The following SPHK1 variants were observed in gnomAD, a reference collection of about 807,000 sequenced individuals.
SPHK1 encodes sphingosine kinase 1, also known as SK 1.
In SPHK1, 10 loss-of-function variants were observed where a neutral mutation model predicts 14.6. That is an observed-to-expected ratio of 0.68 (90% CI 0.42 to 1.16). SPHK1 has a LOEUF of 1.16. Among genes scored for constraint, SPHK1 ranks in the 50% most tolerant of loss-of-function variants. The probability of loss-of-function intolerance (pLI) is 0.00; values close to 1 mark genes in which losing one functional copy is unlikely to be tolerated. For missense variants in SPHK1, 553 were observed against 525.4 expected, an observed-to-expected ratio of 1.05 and a Z score of -0.51; for synonymous variants, 274 against 224.0, an observed-to-expected ratio of 1.22 and a Z score of -1.99.
chr17:76,385,459 G>A lies in SPHK1; in HGVS notation c.-186G>A. 1 of 1,549,914 alleles carries A rather than the reference G, an allele frequency of 6.5e-7. No homozygotes were observed. The highest frequency in any genetic ancestry group is 8.7e-7 in the Non-Finnish European group (1 of 1,155,470). On this transcript the variant is annotated 5_prime_UTR_variant, in exon 2 of 6. Coordinates refer to ENST00000592299, the MANE Select transcript of SPHK1 (RefSeq NM_001142601.2). This position sits in a 1 kb window ranked among gnomAD's most constrained non-coding sequence, Gnocchi z 5.3. ...TGTCTTCTCTCCCTCAGGTCCAGCC[G>A]CCGCAGGGAATGACGCCGGTGCTCC...
At chr17:76,384,379 A>C (rs2071921332), upstream of SPHK1, 2 of 150,524 alleles carry the variant, frequency 1.3e-5, no homozygotes, top group Admixed American at 6.6e-5. Flanking sequence ...GCCTCAGCTC[A>C]CCCGGCCAGG....
rs761735659 is a variant in SPHK1, at chr17:76,386,009, C to T, written c.35C>T (p.Pro12Leu). 20 of 1,602,808 alleles carry T rather than the reference C, an allele frequency of 1.2e-5. No homozygotes were observed. The highest frequency in any genetic ancestry group is 1.7e-5 in the Non-Finnish European group (20 of 1,174,012). Reference sequence around the variant, plus strand: ...GCGGGCGGCCCCCGGGGCGTGCTCCCGCGGCCCTGCCGCGTGCTGGTGCTG... The same window carrying T: ...GCGGGCGGCCCCCGGGGCGTGCTCCTGCGGCCCTGCCGCGTGCTGGTGCTG... ...DPAGGPRGVLPRPCRVLVLLN... is the reference protein window; with the variant it reads ...DPAGGPRGVLLRPCRVLVLLN... Residue 12 changes from proline to leucine, a missense_variant, in exon 3 of 6, where the codon CCG (proline) becomes CTG (leucine). Physicochemically the swap from Pro to Leu is moderately conservative, Grantham distance 98 (BLOSUM62 -3). Coordinates refer to ENST00000592299, the MANE Select transcript of SPHK1 (RefSeq NM_001142601.2). This position sits in a 1 kb window ranked among gnomAD's most constrained non-coding sequence, Gnocchi z 5.3.
Position 76,386,022 on chromosome 17 carries a change from C to A in SPHK1, c.48C>A (p.Arg16=). ...GGGGCGTGCTCCCGCGGCCCTGCCGCGTGCTGGTGCTGCTGAACCCGCGCG... is the reference window on the plus strand; with the variant it reads ...GGGGCGTGCTCCCGCGGCCCTGCCGAGTGCTGGTGCTGCTGAACCCGCGCG... ...GPRGVLPRPC[R]VLVLLNPRGG... is the part of the protein sequence containing the mutation. The change falls in exon 3 of 6, where the codon CGC becomes CGA. Residue 16 remains arginine (R), a synonymous_variant. Transcript: ENST00000592299. This position sits in a 1 kb window ranked among gnomAD's most constrained non-coding sequence, Gnocchi z 5.3. The A allele has an allele frequency of 6.2e-7, 1 of 1,605,478 alleles. No homozygotes were observed. Among genetic ancestry groups the A allele is most frequent in the East Asian group, 2.2e-5 (1 of 44,622 alleles).
Position 76,387,577 on chromosome 17 carries a change from G to C in SPHK1, c.1146G>C (p.Glu382Asp). 3 of 1,592,674 alleles carry C rather than the reference G, an allele frequency of 1.9e-6. No homozygotes were observed. Among genetic ancestry groups the C allele is most frequent in the Non-Finnish European group, 1.7e-6 (2 of 1,172,722 alleles). The change falls in exon 6 of 6, where the codon GAG (glutamate) becomes GAC (aspartate). Residue 382 changes from glutamate (E) to aspartate (D), a missense_variant. Transcript: ENST00000592299. This position sits in a 1 kb window ranked among gnomAD's most constrained non-coding sequence, Gnocchi z 4.1. ...WKPQQMPPPE[E>D]PL Reference sequence around the variant, plus strand: ...CCCAGCAGATGCCACCGCCAGAAGAGCCCTTATGACCCCTGGGCCGCGCTG... The same window carrying C: ...CCCAGCAGATGCCACCGCCAGAAGACCCCTTATGACCCCTGGGCCGCGCTG...
rs865789690 is a variant in SPHK1, at chr17:76,385,164, C to A, written c.-194-287C>A. ...TGGACTCCCCTCCCCCTGGCAGCCCCGAGGGGTGAGGAGCTAGTCCGTCGG... is the reference window on the plus strand; with the variant it reads ...TGGACTCCCCTCCCCCTGGCAGCCCAGAGGGGTGAGGAGCTAGTCCGTCGG... On this transcript the variant is annotated intron_variant, in intron 1 of 5. Transcript: ENST00000592299. This position sits in a 1 kb window ranked among gnomAD's most constrained non-coding sequence, Gnocchi z 5.3. 6.3e-7 allele frequency: 1 copy of A among 1,592,266 alleles called. No homozygotes were observed. Among genetic ancestry groups the A allele is most frequent in the Admixed American group, 1.8e-5 (1 of 56,744 alleles).
At position 76,385,169 on chromosome 17, in the gene SPHK1, G is replaced by A. The variant is rs1249797755; in HGVS notation, c.-194-282G>A. The stretch of plus-strand genomic sequence containing the variant: ...TCCCCTCCCCCTGGCAGCCCCGAGG[G>A]GTGAGGAGCTAGTCCGTCGGAGGGA... On this transcript the variant is annotated intron_variant, in intron 1 of 5. Coordinates refer to ENST00000592299, the MANE Select transcript of SPHK1 (RefSeq NM_001142601.2). This position sits in a 1 kb window ranked among gnomAD's most constrained non-coding sequence, Gnocchi z 5.3. 5 of 1,591,382 alleles carry A rather than the reference G, an allele frequency of 3.1e-6. No homozygotes were observed. In the African/African-American group the frequency reaches 5.4e-5, roughly 17 times the overall value.
chr17:76,385,224 C>G lies in SPHK1; in HGVS notation c.-194-227C>G, dbSNP rs2071943979. 6.5e-7 allele frequency: 1 copy of G among 1,547,256 alleles called. No individual in the cohort carries two copies. Among genetic ancestry groups the G allele is most frequent in the Admixed American group, 2.0e-5 (1 of 50,246 alleles). The stretch of plus-strand genomic sequence containing the variant: ...CGGGGCTCTGACTCATCCGTCGGGC[C>G]GGAACCGAACCCCAAGCCCCAGGGA... On this transcript the variant is annotated intron_variant, in intron 1 of 5. Transcript: ENST00000592299. This position sits in a 1 kb window ranked among gnomAD's most constrained non-coding sequence, Gnocchi z 5.3.
Position 76,386,565 on chromosome 17 carries a change from G to A in SPHK1, c.374+57G>A. The A allele has an allele frequency of 6.6e-7, 1 of 1,506,856 alleles. No homozygotes were observed. The highest frequency in any genetic ancestry group is 1.9e-5 in the Admixed American group (1 of 53,530). 93.3% of individuals were successfully genotyped at this position (1,506,856 alleles called of 1,614,324 possible). A position where few individuals can be genotyped will look rare whatever the true frequency, so the allele number is the denominator to read the frequency against. On this transcript the variant is annotated intron_variant, in intron 5 of 5. Transcript: ENST00000592299. The surrounding 1 kb of genome is among the most constrained non-coding windows in gnomAD (Gnocchi z 5.3). The stretch of plus-strand genomic sequence containing the variant: ...CCCGTCAGTGCTCCTCTACCGCGGG[G>A]GTTTTCTTGTCTAAGCTCCCATAGG...
upstream of SPHK1, chr17:76,383,506 C>G (rs956196916): frequency 2.1e-5 from 5 of 235,850 alleles, no homozygotes; most frequent in Admixed American, 5.5e-5. Flanking sequence ...TGCCTCTTCT[C>G]GACTTTAAGA....
Position 76,387,455 on chromosome 17 carries a change from G to A in SPHK1, c.1024G>A (p.Gly342Arg). ...KDGKGVFAVD[G>R]ELMVSEAVQG... The stretch of plus-strand genomic sequence containing the variant: ...TGGGAAAGGTGTGTTTGCAGTGGAT[G>A]GGGAATTGATGGTTAGCGAGGCCGT... The change falls in exon 6 of 6, where the codon GGG becomes AGG. Residue 342 changes from glycine to arginine, a missense_variant. Transcript: ENST00000592299. The surrounding 1 kb of genome is among the most constrained non-coding windows in gnomAD (Gnocchi z 4.1). 1 of 1,613,766 alleles carries A rather than the reference G, an allele frequency of 6.2e-7. No homozygotes were observed. Among genetic ancestry groups the A allele is most frequent in the Non-Finnish European group, 8.5e-7 (1 of 1,179,994 alleles).
rs2071966334 is a variant in SPHK1, at chr17:76,385,826, G to A, written c.11-159G>A. 6.9e-7 allele frequency: 1 copy of A among 1,442,900 alleles called. No homozygotes were observed. The highest frequency in any genetic ancestry group is 9.4e-7 in the Non-Finnish European group (1 of 1,064,944). The allele number at this position is 1,442,900 out of a possible 1,614,324, so 89.4% of individuals were successfully genotyped here. A position where few individuals can be genotyped will look rare whatever the true frequency, so the allele number is the denominator to read the frequency against. On this transcript the variant is annotated intron_variant, in intron 2 of 5. Transcript: ENST00000592299. The surrounding 1 kb of genome is among the most constrained non-coding windows in gnomAD (Gnocchi z 5.3). Reference sequence around the variant, plus strand: ...CAAGGAAGGGGGTGGCAGGGGCGCCGCGTCCCCACCCCAGGTCTCCCAGCA... The same window carrying A: ...CAAGGAAGGGGGTGGCAGGGGCGCCACGTCCCCACCCCAGGTCTCCCAGCA...
At position 76,386,745 on chromosome 17, in the gene SPHK1, G is replaced by A. The variant is rs1405438355; in HGVS notation, c.375-61G>A. ...TTTGCCAGCTCCCACTCCCCGGGAGGAGGAAGCGGGGGATACATGGGGGCT... is the reference window on the plus strand; with the variant it reads ...TTTGCCAGCTCCCACTCCCCGGGAGAAGGAAGCGGGGGATACATGGGGGCT... On this transcript the variant is annotated intron_variant, in intron 5 of 5. Coordinates refer to ENST00000592299, the MANE Select transcript of SPHK1 (RefSeq NM_001142601.2). The surrounding 1 kb of genome is among the most constrained non-coding windows in gnomAD (Gnocchi z 5.3). 2.7e-6 allele frequency: 4 copies of A among 1,493,946 alleles called. No homozygotes were observed. The highest frequency in any genetic ancestry group is 3.6e-6 in the Non-Finnish European group (4 of 1,118,038). The allele number at this position is 1,493,946 out of a possible 1,614,324, so 92.5% of individuals were successfully genotyped here.
chr17:76,386,612 C>T lies in SPHK1; in HGVS notation c.374+104C>T. ...TAGGCTGAGATCATTTCCATTTCCC[C>T]TTCTCCCTTAGTCCTGGGGCCCTCT... On this transcript the variant is annotated intron_variant, in intron 5 of 5. Transcript: ENST00000592299. The surrounding 1 kb of genome is among the most constrained non-coding windows in gnomAD (Gnocchi z 5.3). 1 of 1,269,320 alleles carries T rather than the reference C, an allele frequency of 7.9e-7. No individual in the cohort carries two copies. The highest frequency in any genetic ancestry group is 1.5e-5 in the African/African-American group (1 of 67,326). 78.6% of individuals were successfully genotyped at this position (1,269,320 alleles called of 1,614,324 possible).
rs1165841900 is a variant in SPHK1 at position 76,386,964 on chromosome 17, A to C, written c.533A>C (p.Asp178Ala). ...SLAWGFIADV[D>A]LESEKYRRLG... The stretch of plus-strand genomic sequence containing the variant: ...GCCTGGGGCTTCATTGCTGATGTGG[A>C]CCTAGAGAGTGAGAAGTATCGGCGT... Residue 178 changes from aspartate to alanine, a missense_variant, in exon 6 of 6, where the codon GAC (aspartate) becomes GCC (alanine). By Grantham distance (126) the Asp-to-Ala change is moderately radical. Transcript: ENST00000592299. This position sits in a 1 kb window ranked among gnomAD's most constrained non-coding sequence, Gnocchi z 5.3. 8.1e-6 allele frequency: 13 copies of C among 1,613,476 alleles called. No homozygotes were observed. The highest frequency in any genetic ancestry group is 3.3e-4 in the Middle Eastern group (2 of 6,062).
In SPHK1 at chr17:76,386,546, A is replaced by T. The variant is rs538309556; in HGVS notation, c.374+38A>T. On this transcript the variant is annotated intron_variant, in intron 5 of 5. Coordinates refer to ENST00000592299, the MANE Select transcript of SPHK1 (RefSeq NM_001142601.2). This position sits in a 1 kb window ranked among gnomAD's most constrained non-coding sequence, Gnocchi z 5.3. ...GGCCAGAGTAGGCCTGTTTCCCGTC[A>T]GTGCTCCTCTACCGCGGGGGTTTTC... 4.1e-5 allele frequency: 64 copies of T among 1,567,456 alleles called. No individual in the cohort carries two copies. In the African/African-American group the frequency reaches 7.4e-4, roughly 18 times the overall value.
rs757395817 is a variant in SPHK1 at position 76,386,459 on chromosome 17, C to T, written c.325C>T (p.Pro109Ser). ...CATCCAGAAGCCCCTGTGTAGCCTC[C>T]CAGCAGGCTCTGGCAACGCGCTGGC... ...TAIQKPLCSL[P>S]AGSGNALAAS... The change falls in exon 5 of 6, where the codon CCA becomes TCA. Residue 109 changes from proline to serine, a missense_variant. Coordinates refer to ENST00000592299, the MANE Select transcript of SPHK1 (RefSeq NM_001142601.2). The surrounding 1 kb of genome is among the most constrained non-coding windows in gnomAD (Gnocchi z 5.3). 9 of 1,613,024 alleles carry T rather than the reference C, an allele frequency of 5.6e-6. No homozygotes were observed. Among genetic ancestry groups the T allele is most frequent in the Non-Finnish European group, 7.6e-6 (9 of 1,179,958 alleles).
chr17:76,385,700 C>T lies in SPHK1; in HGVS notation c.10+46C>T, dbSNP rs766464422. ...GAAGGGCTGTAGGGGGATTCCTGTT[C>T]CTCGCCAGGAATGATGGAACGCCCA... is the stretch of plus-strand genomic sequence containing the variant. On this transcript the variant is annotated intron_variant, in intron 2 of 5. Transcript: ENST00000592299. The surrounding 1 kb of genome is among the most constrained non-coding windows in gnomAD (Gnocchi z 5.3). 13 of 1,499,100 alleles carry T rather than the reference C, an allele frequency of 8.7e-6. No individual in the cohort carries two copies. The African/African-American group carries it at 1.2e-4, about 14-fold the overall frequency. The allele number at this position is 1,499,100 out of a possible 1,614,324, so 92.9% of individuals were successfully genotyped here. A position where few individuals can be genotyped will look rare whatever the true frequency, so the allele number is the denominator to read the frequency against.
chr17:76,386,184 A>G lies in SPHK1; in HGVS notation c.164-37A>G. The G allele has an allele frequency of 6.3e-7, 1 of 1,586,710 alleles. No individual in the cohort carries two copies. Among genetic ancestry groups the G allele is most frequent in the Non-Finnish European group, 8.5e-7 (1 of 1,170,230 alleles). ...TTTCGGGAGCATCCCCTGGCAGGGG[A>G]CCCCCCCAGTCCTGATAGCTGCCGG... is the stretch of plus-strand genomic sequence containing the variant. On this transcript the variant is annotated intron_variant, in intron 3 of 5. Coordinates refer to ENST00000592299, the MANE Select transcript of SPHK1 (RefSeq NM_001142601.2). The surrounding 1 kb of genome is among the most constrained non-coding windows in gnomAD (Gnocchi z 5.3).
Position 76,385,013 on chromosome 17 carries a change from C to A in SPHK1, c.-195+207C>A. 7.0e-7 allele frequency: 1 copy of A among 1,434,936 alleles called. No individual in the cohort carries two copies. Among genetic ancestry groups the A allele is most frequent in the Non-Finnish European group, 9.4e-7 (1 of 1,065,560 alleles). The allele number at this position is 1,434,936 out of a possible 1,614,324, so 88.9% of individuals were successfully genotyped here. On this transcript the variant is annotated intron_variant, in intron 1 of 5. Transcript: ENST00000592299. The surrounding 1 kb of genome is among the most constrained non-coding windows in gnomAD (Gnocchi z 5.3). ...GGAGCGGGGCCCTGAGAAGCGCGCG[C>A]CGCGGCTCCCACCGCTCTGGAGCTC...
Sources: gnomAD v4.1 joint callset for allele counts on GRCh38, gnomAD v4.1.1 for gene constraint, Gnocchi (gnomAD v3.1) non-coding constraint, MANE v1.5 for transcripts, NCBI Gene and HGNC (gene_info 2026-07-23, HGNC 2026-07-21) for gene names.